The following GRIP1 variants were observed in gnomAD, a reference collection of about 807,000 sequenced individuals.
GRIP1 encodes the protein glutamate receptor interacting protein 1.
GRIP1 carries 45 observed loss-of-function variants against 129.9 expected under a neutral mutation model. The ratio of observed to expected loss-of-function variants is 0.35; its 90% confidence interval spans 0.27 to 0.44. GRIP1 has a LOEUF of 0.44. Among genes scored for constraint, GRIP1 ranks in the 20% least tolerant of loss-of-function variants. The pLI is 1.00. For missense variants in GRIP1, 1,196 were observed against 1,396.8 expected (o/e 0.86, Z 2.29); for synonymous variants, 530 against 520.8 (o/e 1.02, Z -0.24).
At chr12:66,391,251 A>T (rs1222374848) in intron 19 of GRIP1, among the ~76,000 whole-genome samples, 2 of 152,246 alleles carry the variant, frequency 1.3e-5, no homozygotes, top group Non-Finnish European at 2.9e-5. Context: ...ACTGAAACCC[A>T]GAGCAAACAA....
intron 1 of GRIP1, among the ~76,000 whole-genome samples, chr12:67,032,614 T>C (rs1032348044): frequency 1.8e-4 from 28 of 152,292 alleles, no homozygotes; most frequent in African/African-American, 4.1e-4. Context: ...CTTTGCACTA[T>C]AGGACATTTA....
intron 2 of GRIP1, among the ~76,000 whole-genome samples, chr12:66,548,363 C>T (rs1452898976): frequency 6.6e-6 from 1 of 152,168 alleles, no homozygotes; most frequent in Admixed American, 6.6e-5. Flanking sequence ...TGTTTTCATT[C>T]AGCTGGTGGA....
intron 19 of GRIP1, among the ~76,000 whole-genome samples, chr12:66,390,551 A>ATAT (rs1352733011): frequency 1.3e-5 from 2 of 152,178 alleles, no homozygotes; most frequent in Non-Finnish European, 2.9e-5. Flanking sequence ...GGCAGGTCCT[A>ATAT]TATTCAGTTT....
chr12:66,931,198 G>A (rs1299107471), intron 1 of GRIP1, among the ~76,000 whole-genome samples: 2 of 152,232 alleles, frequency 1.3e-5, no homozygotes, highest in African/African-American at 2.4e-5. Context: ...AAGAACTAGA[G>A]GAAGAGAGGG....
upstream of GRIP1, among the ~76,000 whole-genome samples, chr12:66,683,618 G>A (rs1341582486): frequency 1.3e-5 from 2 of 152,168 alleles, no homozygotes; most frequent in Non-Finnish European, 2.9e-5. Context: ...AGGGCCTCTG[G>A]TGTGTTGTGA....
At chr12:66,860,949 C>T (rs1054115190) in intron 1 of GRIP1, among the ~76,000 whole-genome samples, 6 of 152,010 alleles carry the variant, frequency 3.9e-5, no homozygotes, top group Admixed American at 3.3e-4. Flanking sequence ...AAGGCCATTA[C>T]ACTATGCTCA....
intron 2 of GRIP1, among the ~76,000 whole-genome samples, chr12:66,545,939 T>G (rs1485098424): frequency 6.6e-6 from 1 of 152,118 alleles, no homozygotes; most frequent in Non-Finnish European, 1.5e-5. Flanking sequence ...TGAAAGAAAT[T>G]AAAGAAGGCC....
intron 1 of GRIP1, among the ~76,000 whole-genome samples, chr12:66,602,768 C>T (rs2064332485): frequency 1.3e-5 from 2 of 150,680 alleles, no homozygotes; most frequent in South Asian, 4.2e-4. Flanking sequence ...AATGTCTATC[C>T]TTGACTCTGC....
At chr12:66,854,061 T>C (rs1229518911) in intron 1 of GRIP1, among the ~76,000 whole-genome samples, 4 of 152,028 alleles carry the variant, frequency 2.6e-5, no homozygotes, top group Non-Finnish European at 4.4e-5. Context: ...GAGCAGGAGA[T>C]TTATTGAGCA....
At chr12:67,003,922 C>T (rs998106451) in intron 1 of GRIP1, among the ~76,000 whole-genome samples, 1 of 152,220 alleles carries the variant, frequency 6.6e-6, no homozygotes, top group Non-Finnish European at 1.5e-5. Context: ...CACACTGGGC[C>T]ACGTTCCTTC....
chr12:66,481,252 G>GAA (rs150481355), intron 7 of GRIP1, among the ~76,000 whole-genome samples: 34 of 138,818 alleles, frequency 2.4e-4, no homozygotes, highest in African/African-American at 8.5e-4. Flanking sequence ...AAATTCACAA[G>GAA]AAAAAAAAAG....
At chr12:66,516,568 T>A (rs975106082) in intron 6 of GRIP1, among the ~76,000 whole-genome samples, 2 of 152,192 alleles carry the variant, frequency 1.3e-5, no homozygotes, top group Non-Finnish European at 2.9e-5. Flanking sequence ...TTCTCAGATT[T>A]CTTTGAGTTC....
intron 1 of GRIP1, among the ~76,000 whole-genome samples, chr12:66,613,392 A>C (rs2064895862): frequency 6.6e-6 from 1 of 152,134 alleles, no homozygotes; most frequent in Non-Finnish European, 1.5e-5. Flanking sequence ...TTTTGTCTGC[A>C]CCCCAAATCT....
At chr12:66,606,385 C>A (rs2064530176) in intron 1 of GRIP1, among the ~76,000 whole-genome samples, 3 of 152,082 alleles carry the variant, frequency 2.0e-5, no homozygotes, top group African/African-American at 4.8e-5. Context: ...AAACAGCAAT[C>A]CCACTGGTTT....
chr12:66,508,434 G>A (rs2060603778), intron 7 of GRIP1, among the ~76,000 whole-genome samples: 1 of 152,054 alleles, frequency 6.6e-6, no homozygotes, highest in African/African-American at 2.4e-5. Flanking sequence ...GATTATTAAG[G>A]TAAAGTAAAA....
intron 1 of GRIP1, among the ~76,000 whole-genome samples, chr12:66,668,052 G>A (rs2033889596): frequency 6.6e-6 from 1 of 152,144 alleles, no homozygotes; most frequent in South Asian, 2.1e-4. Flanking sequence ...CCTATTTTTA[G>A]AACTGCCCTT....
At chr12:66,413,545 G>C (rs1470568296) in intron 15 of GRIP1, among the ~76,000 whole-genome samples, 1 of 152,138 alleles carries the variant, frequency 6.6e-6, no homozygotes, top group Non-Finnish European at 1.5e-5. Context: ...TATTTCTTCT[G>C]AAACTATTCC....
chr12:66,680,449 C>G (rs1238881675), upstream of GRIP1, among the ~76,000 whole-genome samples: 1 of 152,098 alleles, frequency 6.6e-6, no homozygotes, highest in South Asian at 2.1e-4. Flanking sequence ...GAACAGAATT[C>G]TTTTACCAAG....
chr12:66,872,166 G>A (rs2040307171), intron 1 of GRIP1, among the ~76,000 whole-genome samples: 1 of 152,058 alleles, frequency 6.6e-6, no homozygotes, highest in African/African-American at 2.4e-5. Flanking sequence ...GGTTTTGCCA[G>A]TTAGTCAGTT....
Sources: allele counts gnomAD v4.1 joint callset (sites outside exome capture counted in the v4.1 genomes callset), GRCh38; gene constraint gnomAD v4.1.1; transcripts MANE v1.5; gene names NCBI Gene and HGNC (gene_info 2026-07-23, HGNC 2026-07-21).